Variants in XXYLT1 observed in about 807,000 individuals in gnomAD.
The protein encoded by XXYLT1 is xyloside xylosyltransferase 1.
In XXYLT1, 20 loss-of-function variants were observed where a neutral mutation model predicts 28.9. The observed-to-expected ratio is 0.69, with a 90% CI of 0.49 to 1.00. The LOEUF is 1.00. Among genes scored for constraint, XXYLT1 ranks in the 50% least tolerant of loss-of-function variants. XXYLT1 has a pLI of 0.00. For missense variants in XXYLT1, 542 were observed against 560.1 expected (o/e 0.97, Z 0.33); for synonymous variants, 257 against 253.8 (o/e 1.01, Z -0.12).
chr3:195,092,215 C>A (rs1175166445), intron 3 of XXYLT1, among the ~76,000 whole-genome samples: 3 of 139,986 alleles, frequency 2.1e-5, no homozygotes, highest in Admixed American at 7.2e-5. Context: ...GAGCCCGCAT[C>A]GCCAAGTCAA....
intron 1 of XXYLT1, among the ~76,000 whole-genome samples, chr3:195,252,133 C>T (rs1345366684): frequency 6.6e-6 from 1 of 152,208 alleles, no homozygotes; most frequent in Non-Finnish European, 1.5e-5. Flanking sequence ...ATATATGAGA[C>T]TGTTTACATA....
At chr3:195,179,749 A>G (rs7653064) in intron 2 of XXYLT1, among the ~76,000 whole-genome samples, 4,336 of 152,252 alleles carry the variant, frequency 0.028, 192 homozygotes, top group African/African-American at 0.1. Context: ...CATCCTGCCC[A>G]TGAGAAAAGC....
intron 3 of XXYLT1, chr3:195,085,958 G>T (rs976771976): frequency 6.6e-6 from 1 of 152,232 alleles, no homozygotes; most frequent in Admixed American, 6.5e-5. Flanking sequence ...TGACTCGGTG[G>T]TGCCCGAGCT....
intron 3 of XXYLT1, 44 bp downstream of exon 3, chr3:195,156,405 T>G (rs1425014401): frequency 6.3e-7 from 1 of 1,598,922 alleles, no homozygotes. Context: ...GGGTGAAGGG[T>G]GGGGAGGGGT....
intron 1 of XXYLT1, among the ~76,000 whole-genome samples, chr3:195,237,399 G>C (rs531663834): frequency 1.3e-5 from 2 of 152,170 alleles, no homozygotes; most frequent in African/African-American, 4.8e-5. Context: ...CGTCACACAG[G>C]TTCTCTCTGA....
At chr3:195,163,132 G>A (rs79626163) in intron 2 of XXYLT1, among the ~76,000 whole-genome samples, 1 of 152,126 alleles carries the variant, frequency 6.6e-6, no homozygotes, top group African/African-American at 2.4e-5. Context: ...ACCCCTGGGG[G>A]AGAAGCTGTA....
intron 3 of XXYLT1, among the ~76,000 whole-genome samples, chr3:195,130,544 G>A (rs983780522): frequency 1.3e-5 from 2 of 152,210 alleles, no homozygotes; most frequent in African/African-American, 2.4e-5. Flanking sequence ...TCCTACTTAC[G>A]GGTGAAGTGT....
chr3:195,243,384 G>C (rs1724869032), intron 1 of XXYLT1, among the ~76,000 whole-genome samples: 1 of 151,102 alleles, frequency 6.6e-6, no homozygotes, highest in Non-Finnish European at 1.5e-5. Context: ...ATGGTTCGGG[G>C]GTTGTTTCTT....
At chr3:195,191,890 T>A (rs1722435956) in intron 2 of XXYLT1, among the ~76,000 whole-genome samples, 3 of 152,006 alleles carry the variant, frequency 2.0e-5, no homozygotes. Flanking sequence ...AAAAGAGAAA[T>A]AGAGAATTCA....
rs78588465 is a variant in XXYLT1, at chr3:195,068,912, C to T, written c.*803G>A. The T allele has an allele frequency of 2.6e-5, 4 of 152,060 alleles. No individual in the cohort carries two copies. The highest frequency in any genetic ancestry group is 1.3e-4 in the Admixed American group (2 of 15,260). The allele number at this position is 152,060 out of a possible 1,614,324, so 9.4% of individuals were successfully genotyped here. On this transcript the variant is annotated 3_prime_UTR_variant, in exon 4 of 4. Coordinates refer to ENST00000310380, the MANE Select transcript of XXYLT1 (RefSeq NM_152531.5). ...TTTTTGGAATGAGTCTTCCTGGTCC[C>T]GACAGTTCTCCTGCATGTCCTTGTG...
intron 3 of XXYLT1, among the ~76,000 whole-genome samples, chr3:195,082,570 C>A (rs558553257): frequency 6.6e-5 from 10 of 152,128 alleles, no homozygotes; most frequent in African/African-American, 2.2e-4. Context: ...AAGGATCTCT[C>A]GGCTGGGCAC....
intron 2 of XXYLT1, among the ~76,000 whole-genome samples, chr3:195,187,913 C>T (rs1722270320): frequency 6.6e-6 from 1 of 152,150 alleles, no homozygotes; most frequent in African/African-American, 2.4e-5. Flanking sequence ...CAACCTTTTA[C>T]CCCCAACCTT....
chr3:195,179,319 G>A (rs1384470906), intron 2 of XXYLT1, among the ~76,000 whole-genome samples: 3 of 145,806 alleles, frequency 2.1e-5, no homozygotes, highest in Admixed American at 1.4e-4. Context: ...CAGCCTGGGC[G>A]ACAAGAGTGA....
At chr3:195,223,931 C>G (rs1188628360) in intron 2 of XXYLT1, among the ~76,000 whole-genome samples, 1 of 152,022 alleles carries the variant, frequency 6.6e-6, no homozygotes, top group Non-Finnish European at 1.5e-5. Context: ...CCGAGGCGGG[C>G]GGATCATCTG....
At chr3:195,145,722 C>T (rs1474941906) in intron 3 of XXYLT1, among the ~76,000 whole-genome samples, 1 of 152,252 alleles carries the variant, frequency 6.6e-6, no homozygotes, top group African/African-American at 2.4e-5. Flanking sequence ...TCATAATGAG[C>T]GCTCGTCTAC....
chr3:195,088,113 C>T lies in XXYLT1; in HGVS notation c.786-18002G>A, dbSNP rs547698935. 9.9e-5 allele frequency among the ~76,000 whole-genome samples: 15 copies of T among 151,778 alleles called. No individual in the cohort carries two copies. In the South Asian group the frequency reaches 1.7e-3, roughly 17 times the overall value. ...GGTGGCAGCGAGGCTGGGGGAGGGGCGCCCGCCATTGCCCAGGCTTGATTA... is the reference window on the plus strand; with the variant it reads ...GGTGGCAGCGAGGCTGGGGGAGGGGTGCCCGCCATTGCCCAGGCTTGATTA... On this transcript the variant is annotated intron_variant, in intron 3 of 3. Transcript: ENST00000310380.
intron 2 of XXYLT1, among the ~76,000 whole-genome samples, chr3:195,221,315 A>G (rs928747721): frequency 1.3e-5 from 2 of 152,170 alleles, no homozygotes; most frequent in African/African-American, 4.8e-5. Flanking sequence ...GTGGCTCTTC[A>G]TGTTGCCTGC....
intron 2 of XXYLT1, among the ~76,000 whole-genome samples, chr3:195,166,668 G>GGCCATTTT (rs1721137166): frequency 6.6e-6 from 1 of 151,606 alleles, no homozygotes. Flanking sequence ...GGGGAATATG[G>GGCCATTTT]GCCATTTTTT....
intron 2 of XXYLT1, among the ~76,000 whole-genome samples, chr3:195,219,420 G>A (rs997182474): frequency 1.3e-5 from 2 of 152,088 alleles, no homozygotes; most frequent in Admixed American, 1.3e-4. Flanking sequence ...AAGAAAAGAT[G>A]GTATTTTAAA....
Sources: allele counts gnomAD v4.1 joint callset (sites outside exome capture counted in the v4.1 genomes callset), GRCh38; gene constraint gnomAD v4.1.1; transcripts MANE v1.5; gene names NCBI Gene and HGNC (gene_info 2026-07-23, HGNC 2026-07-21).